Variants in SETD3 observed in about 807,000 individuals in gnomAD.
SETD3 encodes SET domain containing 3, actin N3(tau)-histidine methyltransferase, also known as actin-histidine N-methyltransferase.
In SETD3, 19 loss-of-function variants were observed where a neutral mutation model predicts 63.0. The observed-to-expected ratio is 0.30, with a 90% CI of 0.21 to 0.44. SETD3 has a LOEUF of 0.44. SETD3 is among the 20% of genes least tolerant of loss of function. The probability of loss-of-function intolerance (pLI) is 1.00; values close to 1 mark genes in which losing one functional copy is unlikely to be tolerated. For missense variants in SETD3, 587 were observed against 728.5 expected (o/e 0.81, Z 2.24); for synonymous variants, 286 against 264.1 (o/e 1.08, Z -0.80).
rs771287352 is a variant in SETD3 at position 99,406,606 on chromosome 14, G to A, written c.850-16C>T. ...CAGTAGTGATCTAGCCCGGGGAGGA[G>A]GAAGGAAATGATGGTGAGGCAAACA... On this transcript the variant is annotated splice_polypyrimidine_tract_variant and intron_variant, in intron 8 of 12. Transcript: ENST00000331768. 7.4e-6 allele frequency: 12 copies of A among 1,612,150 alleles called. No homozygotes were observed. In the East Asian group the frequency reaches 2.0e-4, roughly 27 times the overall value.
At chr14:99,457,705 C>T (rs1158953068) in intron 6 of SETD3, among the ~76,000 whole-genome samples, 3 of 152,190 alleles carry the variant, frequency 2.0e-5, no homozygotes, top group African/African-American at 7.2e-5. Context: ...TGCTGTTCAA[C>T]TGCAAATGAA....
At chr14:99,438,448 C>T (rs1893611367) in intron 6 of SETD3, among the ~76,000 whole-genome samples, 3 of 152,206 alleles carry the variant, frequency 2.0e-5, no homozygotes, top group Admixed American at 6.5e-5. Flanking sequence ...TTAGAATAAG[C>T]TAGGAATTTA....
intron 6 of SETD3, among the ~76,000 whole-genome samples, chr14:99,456,121 C>T (rs1894745618): frequency 6.6e-6 from 1 of 152,178 alleles, no homozygotes; most frequent in Non-Finnish European, 1.5e-5. Context: ...TGCCACTACA[C>T]TCTAGCCTGG....
chr14:99,437,696 T>A (rs1470380265), intron 6 of SETD3, among the ~76,000 whole-genome samples: 2 of 152,186 alleles, frequency 1.3e-5, no homozygotes, highest in Non-Finnish European at 2.9e-5. Context: ...TGTGTGTGTG[T>A]GACACACAGA....
At chr14:99,458,634 G>C in intron 5 of SETD3, 99 bp from the exon 6 acceptor site, 1 of 1,411,538 alleles carries the variant, frequency 7.1e-7, no homozygotes, top group Non-Finnish European at 9.4e-7. Flanking sequence ...AAAAGGTCTT[G>C]TAACATTTAA....
chr14:99,448,601 A>T (rs924609057), intron 6 of SETD3, among the ~76,000 whole-genome samples: 2 of 152,114 alleles, frequency 1.3e-5, no homozygotes, highest in African/African-American at 2.4e-5. Context: ...TTAAATCTAG[A>T]TTCACGGCTC....
intron 6 of SETD3, among the ~76,000 whole-genome samples, chr14:99,420,095 C>G (rs1243978228): frequency 6.6e-6 from 1 of 152,188 alleles, no homozygotes; most frequent in Non-Finnish European, 1.5e-5. Context: ...CAAGGTCATG[C>G]AAATCCCTCT....
At chr14:99,483,937 A>C (rs10144895), upstream of SETD3, among the ~76,000 whole-genome samples, 148,403 of 152,296 alleles carry the variant, frequency 0.97, 72,407 homozygotes, top group East Asian at 1. Flanking sequence ...ATAATGAGCA[A>C]ATTAGATGAC....
chr14:99,433,957 G>C (rs549520410), intron 6 of SETD3, among the ~76,000 whole-genome samples: 1 of 152,326 alleles, frequency 6.6e-6, no homozygotes, highest in African/African-American at 2.4e-5. Context: ...TAGCTGGTGC[G>C]AGTGTAAATT....
chr14:99,403,642 C>T (rs1891523551), intron 11 of SETD3, among the ~76,000 whole-genome samples: 1 of 152,144 alleles, frequency 6.6e-6, no homozygotes, highest in South Asian at 2.1e-4. Flanking sequence ...ATGCTCAATA[C>T]AAATACTTAA....
chr14:99,460,139 A>T (rs1894988004), intron 4 of SETD3, among the ~76,000 whole-genome samples: 1 of 145,792 alleles, frequency 6.9e-6, no homozygotes, highest in Non-Finnish European at 1.5e-5. Flanking sequence ...TATAGATTAT[A>T]AGCATCATGA....
At chr14:99,427,690 CTG>C (rs1032257031) in intron 6 of SETD3, among the ~76,000 whole-genome samples, 11 of 152,216 alleles carry the variant, frequency 7.2e-5, no homozygotes, top group Non-Finnish European at 1.3e-4. Context: ...CAAACCTGCA[CTG>C]TGTGTCTGCT....
chr14:99,464,948 G>T (rs1895282638), intron 2 of SETD3, among the ~76,000 whole-genome samples: 1 of 152,128 alleles, frequency 6.6e-6, no homozygotes, highest in Non-Finnish European at 1.5e-5. Flanking sequence ...TTCAAGACCA[G>T]CCTGGGCAAC....
At position 99,398,456 on chromosome 14, in the gene SETD3, G is replaced by A; in HGVS notation, c.*223C>T. On this transcript the variant is annotated 3_prime_UTR_variant, in exon 13 of 13. Coordinates refer to ENST00000331768, the MANE Select transcript of SETD3 (RefSeq NM_032233.3). Reference sequence around the variant, plus strand: ...CACCTCTTCTCCCTTTCTTGTGGTTGTTTGTTAATTGGTTTGTTTTGCCTA... The same window carrying A: ...CACCTCTTCTCCCTTTCTTGTGGTTATTTGTTAATTGGTTTGTTTTGCCTA... 7.4e-6 allele frequency: 4 copies of A among 538,180 alleles called. No individual in the cohort carries two copies. The allele number at this position is 538,180 out of a possible 1,614,324, so 33.3% of individuals were successfully genotyped here.
intron 6 of SETD3, among the ~76,000 whole-genome samples, chr14:99,432,937 A>G (rs1158396062): frequency 6.6e-6 from 1 of 152,236 alleles, no homozygotes; most frequent in Admixed American, 6.5e-5. Context: ...GGACACAAAA[A>G]GCACTATCTT....
chr14:99,460,597 C>T (rs542726649), intron 4 of SETD3, among the ~76,000 whole-genome samples: 1 of 152,214 alleles, frequency 6.6e-6, no homozygotes, highest in East Asian at 1.9e-4. Flanking sequence ...GGAGTGCCTC[C>T]TCTTAGAAGA....
At position 99,399,091 on chromosome 14, in the gene SETD3, G is replaced by C. The variant is rs1380102075; in HGVS notation, c.1373C>G (p.Ser458Cys). The change falls in exon 13 of 13, where the codon TCT becomes TGT. Residue 458 changes from serine to cysteine, a missense_variant. By Grantham distance (112) the Ser-to-Cys change is moderately radical. Coordinates refer to ENST00000331768, the MANE Select transcript of SETD3 (RefSeq NM_032233.3). The stretch of plus-strand genomic sequence containing the variant: ...TTTGATGGCCATTTTTGCACGAACA[G>C]AAAGATCGTGGTTTTTCAAGACGGA... Reference protein sequence around the residue: ...DKSVLKNHDLSVRAKMAIKLR... With the variant: ...DKSVLKNHDLCVRAKMAIKLR... 1.9e-6 allele frequency: 3 copies of C among 1,613,822 alleles called. No homozygotes were observed. Among genetic ancestry groups the C allele is most frequent in the Non-Finnish European group, 2.5e-6 (3 of 1,179,908 alleles).
chr14:99,414,550 A>G (rs1255855903), intron 6 of SETD3, among the ~76,000 whole-genome samples: 1 of 152,256 alleles, frequency 6.6e-6, no homozygotes, highest in African/African-American at 2.4e-5. Context: ...TCACAAACAC[A>G]TAGGATAACG....
In SETD3 at chr14:99,412,957, G is replaced by T. The variant is rs201395609; in HGVS notation, c.843C>A (p.Asn281Lys). ...CAGGGGAAGAGGTCGTTACCAGGCC[G>T]TTGGTGTGGTTACACATATCCCATA... ...IPLWDMCNHT[N>K]GLITTGYNLE... The change falls in exon 8 of 13, where the codon AAC becomes AAA. Residue 281 changes from asparagine to lysine, a missense_variant. Asn to Lys is a moderately conservative substitution (Grantham distance 94). Coordinates refer to ENST00000331768, the MANE Select transcript of SETD3 (RefSeq NM_032233.3). 19 of 1,605,044 alleles carry T rather than the reference G, an allele frequency of 1.2e-5. No individual in the cohort carries two copies. Among genetic ancestry groups the T allele is most frequent in the Non-Finnish European group, 1.5e-5 (18 of 1,171,904 alleles).
Sources: allele counts gnomAD v4.1 joint callset (sites outside exome capture counted in the v4.1 genomes callset), GRCh38; gene constraint gnomAD v4.1.1; transcripts MANE v1.5; gene names NCBI Gene and HGNC (gene_info 2026-07-23, HGNC 2026-07-21).